Variants in KITLG observed in about 807,000 individuals in gnomAD.
KITLG encodes the protein c-Kit ligand.
Under a neutral mutation model 34.1 loss-of-function variants are expected in KITLG, and 13 were observed. That is an observed-to-expected ratio of 0.38 (90% CI 0.25 to 0.61). The LOEUF is 0.61. Ranked by LOEUF, KITLG falls within the 20% of genes least tolerant of loss-of-function variation. The pLI, the probability that KITLG is intolerant of heterozygous loss-of-function variation, is 0.60. For synonymous variants in KITLG, 110 were observed against 104.0 expected (o/e 1.06, Z -0.35); for missense variants, 292 against 318.9 (o/e 0.92, Z 0.64).
chr12:88,561,200 T>C (rs935053195), intron 1 of KITLG, among the ~76,000 whole-genome samples: 1 of 152,110 alleles, frequency 6.6e-6, no homozygotes, highest in Non-Finnish European at 1.5e-5. Context: ...ACTGACTTTA[T>C]AGGTTTGCTG....
chr12:88,559,078 C>CA (rs1314778157), intron 1 of KITLG, among the ~76,000 whole-genome samples: 1 of 152,016 alleles, frequency 6.6e-6, no homozygotes, highest in Non-Finnish European at 1.5e-5. Context: ...AAATTAAAAA[C>CA]AAAAAAGATA....
At chr12:88,528,071 T>C (rs1869945205) in intron 3 of KITLG, among the ~76,000 whole-genome samples, 1 of 152,202 alleles carries the variant, frequency 6.6e-6, no homozygotes, top group African/African-American at 2.4e-5. Flanking sequence ...AAGTTTAAAA[T>C]AGGTCTGAAT....
intron 2 of KITLG, among the ~76,000 whole-genome samples, chr12:88,535,320 A>T (rs543775962): frequency 1.3e-5 from 2 of 152,320 alleles, no homozygotes; most frequent in South Asian, 2.1e-4. Context: ...ACTGATATTC[A>T]ATTTCTGGTG....
intron 3 of KITLG, among the ~76,000 whole-genome samples, chr12:88,531,230 C>T (rs1870074044): frequency 6.6e-6 from 1 of 152,122 alleles, no homozygotes; most frequent in African/African-American, 2.4e-5. Flanking sequence ...GAATGCTCCT[C>T]CTGCTCTACA....
intron 3 of KITLG, among the ~76,000 whole-genome samples, chr12:88,528,318 C>G (rs570610066): frequency 1.3e-5 from 2 of 152,058 alleles, no homozygotes; most frequent in Non-Finnish European, 2.9e-5. Flanking sequence ...CCTGGATAAT[C>G]CAAAATAACT....
At chr12:88,514,401 G>C (rs978567560) in intron 6 of KITLG, among the ~76,000 whole-genome samples, 3 of 151,484 alleles carry the variant, frequency 2.0e-5, no homozygotes, top group African/African-American at 7.3e-5. Context: ...TCCATAGTTG[G>C]TAAGAAAACC....
At chr12:88,530,713 G>C (rs548861601) in intron 3 of KITLG, among the ~76,000 whole-genome samples, 1 of 152,134 alleles carries the variant, frequency 6.6e-6, no homozygotes, top group Non-Finnish European at 1.5e-5. Flanking sequence ...AACTCAATAG[G>C]ATAGACATTG....
intron 1 of KITLG, among the ~76,000 whole-genome samples, chr12:88,548,371 T>G (rs1267311986): frequency 6.6e-6 from 1 of 151,966 alleles, no homozygotes; most frequent in Non-Finnish European, 1.5e-5. Context: ...GGAGAATCGT[T>G]TGAACCCGTG....
At chr12:88,565,374 C>A (rs1008032889) in intron 1 of KITLG, among the ~76,000 whole-genome samples, 4 of 152,136 alleles carry the variant, frequency 2.6e-5, no homozygotes, top group Non-Finnish European at 5.9e-5. Flanking sequence ...GGCCTGTAAT[C>A]CCAGCACTCT....
intron 9 of KITLG, among the ~76,000 whole-genome samples, chr12:88,504,121 T>C (rs933662384): frequency 6.6e-6 from 1 of 152,168 alleles, no homozygotes; most frequent in African/African-American, 2.4e-5. Context: ...TTAATTTTTG[T>C]GCATATCCCA....
chr12:88,518,567 A>T lies in KITLG; in HGVS notation c.363+130T>A, dbSNP rs1398277407. 5.5e-6 allele frequency: 4 copies of T among 728,480 alleles called. No individual in the cohort carries two copies. The African/African-American group carries it at 7.2e-5, about 13-fold the overall frequency. 45.1% of individuals were successfully genotyped at this position (728,480 alleles called of 1,614,324 possible). A position where few individuals can be genotyped will look rare whatever the true frequency, so the allele number is the denominator to read the frequency against. ...TGTTTTCTTTGCTCATCTGAACAAG[A>T]TTTTTAAATTTGAAGTTTATACAAT... On this transcript the variant is annotated intron_variant, in intron 4 of 9. Coordinates refer to ENST00000644744, the MANE Select transcript of KITLG (RefSeq NM_000899.5).
intron 1 of KITLG, among the ~76,000 whole-genome samples, chr12:88,573,954 A>C (rs1348172021): frequency 6.6e-6 from 1 of 152,068 alleles, no homozygotes; most frequent in South Asian, 2.1e-4. Context: ...CTCCCTCCCA[A>C]TTTACCCATG....
rs1389050460 is a variant in KITLG, at chr12:88,496,539, C to A, written c.*680G>T. On this transcript the variant is annotated 3_prime_UTR_variant, in exon 10 of 10. Transcript: ENST00000644744. ...GCCAAGGCATAATTCAGTACTGGCT[C>A]CCTTGCATAAATGGAACCAGGCAAC... 6.6e-6 allele frequency: 1 copy of A among 152,144 alleles called. No individual in the cohort carries two copies. The highest frequency in any genetic ancestry group is 6.6e-5 in the Admixed American group (1 of 15,250). The allele number at this position is 152,144 out of a possible 1,614,324, so 9.4% of individuals were successfully genotyped here.
At chr12:88,577,848 G>A (rs1404256766) in intron 1 of KITLG, among the ~76,000 whole-genome samples, 2 of 152,130 alleles carry the variant, frequency 1.3e-5, no homozygotes, top group African/African-American at 2.4e-5. Flanking sequence ...ATGATTCTTG[G>A]AGAGCTGTGT....
chr12:88,555,721 A>C (rs1330455808), intron 1 of KITLG, among the ~76,000 whole-genome samples: 3 of 152,212 alleles, frequency 2.0e-5, no homozygotes, highest in Non-Finnish European at 4.4e-5. Context: ...GGAGAAACCC[A>C]AAAAATAAAG....
chr12:88,509,848 A>G (rs1869208609), intron 6 of KITLG, among the ~76,000 whole-genome samples: 1 of 152,176 alleles, frequency 6.6e-6, no homozygotes, highest in South Asian at 2.1e-4. Context: ...AATGACTTTC[A>G]ATACTTTCCA....
intron 1 of KITLG, chr12:88,546,093 G>T (rs1422112161): frequency 1.6e-6 from 1 of 611,088 alleles, no homozygotes; most frequent in Non-Finnish European, 3.0e-6. Context: ...GTTAACTTTT[G>T]TTAAAAACTT....
At position 88,516,422 on chromosome 12, in the gene KITLG, A is replaced by C. The variant is rs1374753910; in HGVS notation, c.432T>G (p.Phe144Leu). ...CCTTGAAGGCATCAATGGATCTATTAAAAATTCTAAAGAATTCTTCAGGAG... is the reference window on the plus strand; with the variant it reads ...CCTTGAAGGCATCAATGGATCTATTCAAAATTCTAAAGAATTCTTCAGGAG... ...LFTPEEFFRI[F>L]NRSIDAFKDF... The change falls in exon 5 of 10, where the codon TTT becomes TTG. Residue 144 changes from phenylalanine to leucine, a missense_variant. Physicochemically the swap from Phe to Leu is conservative, Grantham distance 22. Transcript: ENST00000644744. 1 of 1,609,734 alleles carries C rather than the reference A, an allele frequency of 6.2e-7. No homozygotes were observed. The highest frequency in any genetic ancestry group is 8.5e-7 in the Non-Finnish European group (1 of 1,177,114).
chr12:88,538,462 T>G (rs1340718906), intron 2 of KITLG, among the ~76,000 whole-genome samples: 2 of 151,716 alleles, frequency 1.3e-5, no homozygotes, highest in Non-Finnish European at 2.9e-5. Context: ...CTGGTTTGAC[T>G]TACTTACGTA....
Sources: allele counts gnomAD v4.1 joint callset (sites outside exome capture counted in the v4.1 genomes callset), GRCh38; gene constraint gnomAD v4.1.1; transcripts MANE v1.5; gene names NCBI Gene and HGNC (gene_info 2026-07-23, HGNC 2026-07-21).